The following NBEA variants were observed in gnomAD, a reference collection of about 807,000 sequenced individuals.
NBEA encodes neurobeachin.
Under a neutral mutation model 343.4 loss-of-function variants are expected in NBEA, and 44 were observed. The ratio of observed to expected loss-of-function variants is 0.13; its 90% CI spans 0.10 to 0.16. NBEA has a LOEUF of 0.16. Among genes scored for constraint, NBEA ranks in the 10% least tolerant of loss-of-function variants. The pLI is 1.00. For synonymous variants in NBEA, 1,175 were observed against 1,238.7 expected (o/e 0.95, Z 1.08); for missense variants, 2,555 against 3,631.3 (o/e 0.70, Z 7.62).
chr13:35,117,509 A>G lies in NBEA; in HGVS notation c.2082+16A>G, dbSNP rs1310355131. On this transcript the variant is annotated intron_variant, in intron 14 of 58. Transcript: ENST00000379939. ...GATACTAAAGGTAAAATAATTTTATATAATTTAAAATAATAGTATATTAGG... is the reference window on the plus strand; with the variant it reads ...GATACTAAAGGTAAAATAATTTTATGTAATTTAAAATAATAGTATATTAGG... 2.6e-6 allele frequency: 3 copies of G among 1,146,730 alleles called. No homozygotes were observed. Among genetic ancestry groups the G allele is most frequent in the Non-Finnish European group, 3.4e-6 (3 of 870,640 alleles). 71.0% of individuals were successfully genotyped at this position (1,146,730 alleles called of 1,614,324 possible).
At chr13:35,534,718 CAA>C (rs1381756428) in intron 41 of NBEA, among the ~76,000 whole-genome samples, 2 of 152,142 alleles carry the variant, frequency 1.3e-5, no homozygotes, top group Non-Finnish European at 2.9e-5. Flanking sequence ...GATAAAGACA[CAA>C]ATAGAAAAGC....
chr13:35,307,165 A>C (rs1290700947), intron 35 of NBEA, among the ~76,000 whole-genome samples: 1 of 152,018 alleles, frequency 6.6e-6, no homozygotes, highest in African/African-American at 2.4e-5. Context: ...ATTCTCATCT[A>C]GTCTCGGCAT....
chr13:35,183,796 C>T (rs550490457), intron 29 of NBEA, among the ~76,000 whole-genome samples, 180 bp from the exon 30 acceptor site: 6 of 152,178 alleles, frequency 3.9e-5, no homozygotes, highest in South Asian at 2.1e-4. Flanking sequence ...AATTACTCTA[C>T]TTAACAAATG....
At chr13:34,943,307 C>A (rs539867076) in intron 1 of NBEA, among the ~76,000 whole-genome samples, 193 bp downstream of exon 1, 3 of 152,244 alleles carry the variant, frequency 2.0e-5, no homozygotes, top group Admixed American at 2.0e-4. Context: ...CCCTCCTCTC[C>A]TCTTTCTGGT....
chr13:35,332,738 A>G (rs2246851), intron 36 of NBEA, among the ~76,000 whole-genome samples: 126,879 of 152,088 alleles, frequency 0.83, 53,144 homozygotes, highest in South Asian at 0.94. Context: ...AAAAGATTAA[A>G]ATTTAAACAA....
chr13:35,172,111 A>G (rs770120694), intron 26 of NBEA, among the ~76,000 whole-genome samples: 2 of 152,080 alleles, frequency 1.3e-5, no homozygotes, highest in Non-Finnish European at 2.9e-5. Context: ...TGAGCAGGAC[A>G]TAAGAACTGC....
intron 34 of NBEA, among the ~76,000 whole-genome samples, chr13:35,282,638 GATT>G (rs1375134054): frequency 1.3e-5 from 2 of 152,098 alleles, no homozygotes; most frequent in Non-Finnish European, 2.9e-5. Flanking sequence ...TTGCTGTTGT[GATT>G]ATATTAGCAA....
rs1246656827 is a variant in NBEA at position 35,054,206 on chromosome 13, G to A, written c.973-1804G>A. Among the ~76,000 whole-genome samples, 4 of 152,080 alleles carry A rather than the reference G, an allele frequency of 2.6e-5. No homozygotes were observed. The East Asian group carries it at 7.7e-4, about 29-fold the overall frequency. On this transcript the variant is annotated intron_variant, in intron 6 of 58. Coordinates refer to ENST00000379939, the MANE Select transcript of NBEA (RefSeq NM_001385012.1). The stretch of plus-strand genomic sequence containing the variant: ...TACACATTTTATTCCACAATATAAA[G>A]TTTGTGTCTTCTGTGTTATTTAGAT...
chr13:35,505,802 A>T (rs189046895), intron 41 of NBEA, among the ~76,000 whole-genome samples: 32 of 152,314 alleles, frequency 2.1e-4, no homozygotes, highest in African/African-American at 7.7e-4. Flanking sequence ...GTTTTAATGA[A>T]TATTCAATTA....
intron 36 of NBEA, among the ~76,000 whole-genome samples, chr13:35,316,674 G>A (rs968773020): frequency 6.6e-6 from 1 of 152,124 alleles, no homozygotes; most frequent in Non-Finnish European, 1.5e-5. Context: ...GATCCTAGAG[G>A]AATTGCCACA....
chr13:35,466,131 A>G (rs1228122324), intron 40 of NBEA, among the ~76,000 whole-genome samples: 1 of 152,142 alleles, frequency 6.6e-6, no homozygotes, highest in Non-Finnish European at 1.5e-5. Flanking sequence ...GTTTACTCTC[A>G]TCTCAAAACA....
intron 45 of NBEA, among the ~76,000 whole-genome samples, chr13:35,579,505 A>T (rs2080908058): frequency 6.6e-6 from 1 of 152,266 alleles, no homozygotes; most frequent in Admixed American, 6.5e-5. Context: ...GGCTAAGATG[A>T]CAGAAAGAGG....
At chr13:35,068,713 G>T (rs527589928) in intron 8 of NBEA, among the ~76,000 whole-genome samples, 1 of 152,146 alleles carries the variant, frequency 6.6e-6, no homozygotes, top group Non-Finnish European at 1.5e-5. Flanking sequence ...CGCTAGTCCA[G>T]AAGTAAAAAC....
At chr13:35,476,637 C>T (rs532085403) in intron 41 of NBEA, 1 of 507,284 alleles carries the variant, frequency 2.0e-6, no homozygotes, top group African/African-American at 1.9e-5. Flanking sequence ...GAGTGTGTGT[C>T]CGGGGTGAGT....
intron 36 of NBEA, among the ~76,000 whole-genome samples, chr13:35,320,545 A>G (rs888223014): frequency 6.6e-6 from 1 of 151,694 alleles, no homozygotes; most frequent in Non-Finnish European, 1.5e-5. Context: ...CTTCATTTCA[A>G]CCTTGGTGAA....
chr13:35,601,254 A>G (rs1400150506), intron 47 of NBEA, among the ~76,000 whole-genome samples: 3 of 152,158 alleles, frequency 2.0e-5, no homozygotes, highest in Non-Finnish European at 4.4e-5. Flanking sequence ...AATGCCTGAA[A>G]TTTAGGATAT....
intron 38 of NBEA, among the ~76,000 whole-genome samples, chr13:35,393,514 A>C (rs1356991370): frequency 6.6e-6 from 1 of 152,140 alleles, no homozygotes; most frequent in African/African-American, 2.4e-5. Flanking sequence ...CATCATTTGA[A>C]ACACTCATTT....
chr13:35,632,500 T>C (rs2083494612), intron 49 of NBEA, among the ~76,000 whole-genome samples: 1 of 152,132 alleles, frequency 6.6e-6, no homozygotes, highest in Admixed American at 6.5e-5. Flanking sequence ...AAGCTTTTTT[T>C]TTTTCCCCTA....
At chr13:35,451,268 C>G (rs1214016335) in intron 39 of NBEA, among the ~76,000 whole-genome samples, 2 of 152,046 alleles carry the variant, frequency 1.3e-5, no homozygotes, top group African/African-American at 4.8e-5. Context: ...GGACCACAGG[C>G]TTTTGGCTCC....
Sources: gnomAD v4.1 joint callset for allele counts (sites outside exome capture counted in the v4.1 genomes callset) on GRCh38, gnomAD v4.1.1 for gene constraint, MANE v1.5 for transcripts, NCBI Gene and HGNC (gene_info 2026-07-23, HGNC 2026-07-21) for gene names.